Variants in UBE2E3 observed in about 807,000 individuals in gnomAD.
The protein encoded by UBE2E3 is ubiquitin conjugating enzyme E2 E3.
UBE2E3 carries 5 observed loss-of-function variants against 23.6 expected under a neutral mutation model. That is an observed-to-expected ratio of 0.21 (90% CI 0.11 to 0.44). The LOEUF (loss-of-function observed/expected upper bound fraction) is 0.44. Ranked by LOEUF, UBE2E3 falls within the 20% of genes least tolerant of loss-of-function variation. The pLI is 0.99. For missense variants in UBE2E3, 81 were observed against 249.8 expected (o/e 0.32, Z 4.55); for synonymous variants, 78 against 87.5 (o/e 0.89, Z 0.60).
chr2:181,002,860 GA>G (rs1685029469), intron 3 of UBE2E3, among the ~76,000 whole-genome samples: 1 of 152,156 alleles, frequency 6.6e-6, no homozygotes. Context: ...TAGATTTCAA[GA>G]ACTGGGGCAC....
intron 5 of UBE2E3, among the ~76,000 whole-genome samples, 158 bp from the exon 6 acceptor site, chr2:181,062,633 A>G (rs1401134): frequency 0.23 from 35,033 of 151,290 alleles, 4,410 homozygotes; most frequent in Non-Finnish European, 0.28. Flanking sequence ...TAAAATATAC[A>G]TATGATCATG....
intron 3 of UBE2E3, among the ~76,000 whole-genome samples, chr2:181,017,189 A>G (rs1479209235): frequency 7.0e-6 from 1 of 142,696 alleles, no homozygotes; most frequent in Non-Finnish European, 1.6e-5. Flanking sequence ...AAGGAAGGAC[A>G]TAGGGATCGG....
intron 3 of UBE2E3, among the ~76,000 whole-genome samples, chr2:181,018,989 G>A (rs1010033095): frequency 1.3e-5 from 2 of 152,082 alleles, no homozygotes; most frequent in Non-Finnish European, 1.5e-5. Context: ...TTGAGATGGA[G>A]TTTTGCTCTT....
intron 3 of UBE2E3, among the ~76,000 whole-genome samples, chr2:181,041,886 G>T (rs963947541): frequency 2.6e-5 from 4 of 152,168 alleles, no homozygotes; most frequent in Non-Finnish European, 4.4e-5. Context: ...CCTCATCCTT[G>T]CCATCACAAA....
At chr2:181,026,984 A>C (rs1166175090) in intron 3 of UBE2E3, among the ~76,000 whole-genome samples, 1 of 151,960 alleles carries the variant, frequency 6.6e-6, no homozygotes, top group Non-Finnish European at 1.5e-5. Context: ...TCAGCTAGAA[A>C]TATCTCTTCA....
intron 3 of UBE2E3, among the ~76,000 whole-genome samples, chr2:181,004,563 G>A (rs1685088022): frequency 6.6e-6 from 1 of 152,108 alleles, no homozygotes; most frequent in African/African-American, 2.4e-5. Flanking sequence ...AAACATGGAG[G>A]CGGAGGTTGC....
chr2:180,988,213 G>A (rs1370893605), intron 3 of UBE2E3, among the ~76,000 whole-genome samples: 1 of 152,090 alleles, frequency 6.6e-6, no homozygotes, highest in African/African-American at 2.4e-5. Flanking sequence ...AGACAGTGTA[G>A]CCTGTAGTGA....
At chr2:180,996,184 G>A (rs1353451102) in intron 3 of UBE2E3, among the ~76,000 whole-genome samples, 1 of 152,176 alleles carries the variant, frequency 6.6e-6, no homozygotes, top group Admixed American at 6.5e-5. Context: ...CCTATTTGGT[G>A]TATAACAATG....
At chr2:180,987,418 CT>C in intron 3 of UBE2E3, 1 of 1,549,002 alleles carries the variant, frequency 6.5e-7, no homozygotes, top group Non-Finnish European at 8.7e-7. Flanking sequence ...AACTTAACCC[CT>C]AATTTCTTTC....
chr2:181,042,581 C>G (rs1559132765), intron 3 of UBE2E3, among the ~76,000 whole-genome samples: 1 of 152,222 alleles, frequency 6.6e-6, no homozygotes, highest in East Asian at 1.9e-4. Flanking sequence ...TGAAAGAGTG[C>G]CAAACTGGAA....
intron 3 of UBE2E3, among the ~76,000 whole-genome samples, chr2:181,026,529 T>TA (rs1014962250): frequency 8.6e-5 from 13 of 150,372 alleles, no homozygotes; most frequent in African/African-American, 3.2e-4. Context: ...TTTTTTTTTT[T>TA]AAATCCTTGA....
At chr2:181,056,081 T>TAAA (rs58442227) in intron 3 of UBE2E3, among the ~76,000 whole-genome samples, 4 of 135,678 alleles carry the variant, frequency 2.9e-5, no homozygotes, top group Admixed American at 1.5e-4. Flanking sequence ...AGGAAATGCT[T>TAAA]AAAAAAAAAA....
chr2:181,014,028 A>C (rs540732044), intron 3 of UBE2E3, among the ~76,000 whole-genome samples: 1 of 152,316 alleles, frequency 6.6e-6, no homozygotes, highest in South Asian at 2.1e-4. Context: ...GAAGTAGATA[A>C]TACAAAAGGT....
At position 181,023,990 on chromosome 2, in the gene UBE2E3, T is replaced by C. The variant is rs117910957; in HGVS notation, c.246-33703T>C. Among the ~76,000 whole-genome samples, 167 of 152,248 alleles carry C rather than the reference T, an allele frequency of 1.1e-3. 3 individuals carry two copies. The East Asian group carries it at 0.03, about 27-fold the overall frequency. On this transcript the variant is annotated intron_variant, in intron 3 of 5. Coordinates refer to ENST00000410062, the MANE Select transcript of UBE2E3 (RefSeq NM_006357.4). Reference sequence around the variant, plus strand: ...AGTGATAAAGCAATGGGAATACCTGTGTTTTATATTTCTTTTGCATTTGTA... The same window carrying C: ...AGTGATAAAGCAATGGGAATACCTGCGTTTTATATTTCTTTTGCATTTGTA...
chr2:181,004,720 C>T (rs1369649186), intron 3 of UBE2E3, among the ~76,000 whole-genome samples: 3 of 151,998 alleles, frequency 2.0e-5, no homozygotes, highest in African/African-American at 7.2e-5. Context: ...TGTATATGTC[C>T]TTTGCACATG....
chr2:181,020,938 G>A (rs1685651094), intron 3 of UBE2E3, among the ~76,000 whole-genome samples: 1 of 151,942 alleles, frequency 6.6e-6, no homozygotes, highest in Non-Finnish European at 1.5e-5. Flanking sequence ...ATAGGAAAGG[G>A]GAATTTTTAT....
intron 3 of UBE2E3, among the ~76,000 whole-genome samples, chr2:181,051,998 A>G (rs529910155): frequency 1.3e-5 from 2 of 151,842 alleles, no homozygotes; most frequent in African/African-American, 4.8e-5. Flanking sequence ...TGAGTCACTG[A>G]GGTATTTCCA....
intron 4 of UBE2E3, 59 bp downstream of exon 4, chr2:181,057,884 T>G (rs959392284): frequency 6.4e-7 from 1 of 1,556,880 alleles, no homozygotes; most frequent in South Asian, 1.2e-5. Flanking sequence ...AATCGGTTAT[T>G]CTAGAACTTA....
intron 3 of UBE2E3, among the ~76,000 whole-genome samples, chr2:181,030,266 A>G (rs997546652): frequency 6.6e-6 from 1 of 151,902 alleles, no homozygotes; most frequent in Non-Finnish European, 1.5e-5. Flanking sequence ...TTTTGCTTTA[A>G]TCTATTAATA....
Sources: gnomAD v4.1 joint callset for allele counts (sites outside exome capture counted in the v4.1 genomes callset) on GRCh38, gnomAD v4.1.1 for gene constraint, MANE v1.5 for transcripts, NCBI Gene and HGNC (gene_info 2026-07-23, HGNC 2026-07-21) for gene names.